BLM: variants seen among roughly 807,000 people sequenced by gnomAD.
The protein encoded by BLM is BLM RecQ like helicase.
In BLM, 95 loss-of-function variants were observed where a neutral mutation model predicts 135.3. The observed-to-expected ratio is 0.70, with a 90% CI of 0.59 to 0.83. The LOEUF is 0.83. Ranked by LOEUF, BLM falls within the 40% of genes least tolerant of loss-of-function variation. BLM has a pLI of 0.00. For missense variants in BLM, 1,518 were observed against 1,663.9 expected, an observed-to-expected ratio of 0.91 and a Z score of 1.53; for synonymous variants, 520 against 589.2, an observed-to-expected ratio of 0.88 and a Z score of 1.70.
At chr15:90,725,891 A>G (rs1286793021) in intron 1 of BLM, among the ~76,000 whole-genome samples, 1 of 152,016 alleles carries the variant, frequency 6.6e-6, no homozygotes, top group African/African-American at 2.4e-5. Flanking sequence ...ATAGTTATCT[A>G]CATTTTTATA....
chr15:90,783,544 C>T (rs1896667970), intron 13 of BLM, among the ~76,000 whole-genome samples: 1 of 152,216 alleles, frequency 6.6e-6, no homozygotes, highest in South Asian at 2.1e-4. Flanking sequence ...CCTTTAATAT[C>T]TTTTAATTTC....
rs1326794962 is a variant in BLM, at chr15:90,794,140, T to C, written c.3020-27T>C. 2.6e-6 allele frequency: 4 copies of C among 1,533,132 alleles called. No homozygotes were observed. The East Asian group carries it at 9.1e-5, about 35-fold the overall frequency. 95.0% of individuals were successfully genotyped at this position (1,533,132 alleles called of 1,614,324 possible). A position where few individuals can be genotyped will look rare whatever the true frequency, so the allele number is the denominator to read the frequency against. On this transcript the variant is annotated intron_variant, in intron 15 of 21. Coordinates refer to ENST00000355112, the MANE Select transcript of BLM (RefSeq NM_000057.4). ...GCTCTATTTTTCCCCTATAAGTATG[T>C]CTTACTATAGTCTTCATCTCTTTTA...
intron 19 of BLM, among the ~76,000 whole-genome samples, chr15:90,807,423 A>T (rs111688555): frequency 0.013 from 2,013 of 152,040 alleles, 47 homozygotes; most frequent in African/African-American, 0.046. Flanking sequence ...TTTTTTGGAG[A>T]TAAGATCTTA....
chr15:90,780,245 T>C (rs1370128435), intron 12 of BLM, among the ~76,000 whole-genome samples: 2 of 152,060 alleles, frequency 1.3e-5, no homozygotes, highest in East Asian at 1.9e-4. Context: ...CCACCATGCC[T>C]GGCTAGTTTT....
intron 5 of BLM, among the ~76,000 whole-genome samples, chr15:90,756,152 G>A (rs1432501028): frequency 1.3e-5 from 2 of 150,728 alleles, no homozygotes; most frequent in Non-Finnish European, 2.9e-5. Flanking sequence ...CACCCAGGCT[G>A]GAGTGCAGTG....
intron 5 of BLM, among the ~76,000 whole-genome samples, chr15:90,758,090 G>A (rs1438249775): frequency 1.3e-5 from 2 of 151,910 alleles, no homozygotes; most frequent in African/African-American, 2.4e-5. Flanking sequence ...ACGTTGACCA[G>A]GCTGGTGTCA....
chr15:90,772,072 C>T (rs1896335039), intron 12 of BLM, among the ~76,000 whole-genome samples: 1 of 152,126 alleles, frequency 6.6e-6, no homozygotes, highest in Non-Finnish European at 1.5e-5. Context: ...TCTGTTGACT[C>T]CTTAATGTGT....
chr15:90,777,176 G>C (rs1006381276), intron 12 of BLM, among the ~76,000 whole-genome samples: 3 of 151,158 alleles, frequency 2.0e-5, no homozygotes, highest in Non-Finnish European at 3.0e-5. Context: ...TGAGGGGGGT[G>C]GGGGGAATGG....
chr15:90,808,889 T>G (rs1897341807), intron 19 of BLM: 1 of 557,622 alleles, frequency 1.8e-6, no homozygotes, highest in African/African-American at 1.9e-5. Context: ...AGCTTCCTCC[T>G]GCCCTGGCTC....
intron 19 of BLM, among the ~76,000 whole-genome samples, chr15:90,805,352 T>A (rs1367676552): frequency 6.6e-6 from 1 of 151,580 alleles, no homozygotes; most frequent in African/African-American, 2.4e-5. Context: ...ATGCCTGTAA[T>A]CCCAGCTACT....
At chr15:90,770,178 T>C (rs867683260) in intron 12 of BLM, among the ~76,000 whole-genome samples, 1,317 of 88,114 alleles carry the variant, frequency 0.015, 30 homozygotes, top group African/African-American at 0.063. Flanking sequence ...CCCCCCCCCC[T>C]TTTTTTTTTT....
chr15:90,747,786 G>T, intron 2 of BLM: 1 of 334,524 alleles, frequency 3.0e-6, no homozygotes, highest in Non-Finnish European at 5.6e-6. Flanking sequence ...AGTTTTGGGG[G>T]GTTTTTTTGT....
intron 15 of BLM, among the ~76,000 whole-genome samples, chr15:90,791,059 A>C (rs987352672): frequency 2.6e-5 from 4 of 152,228 alleles, no homozygotes; most frequent in African/African-American, 9.6e-5. Context: ...GATGTGTACA[A>C]GGCAGAAAAT....
Position 90,751,823 on chromosome 15 carries a change from A to C in BLM, c.836A>C (p.Glu279Ala), listed in dbSNP as rs1429363042. The stretch of plus-strand genomic sequence containing the variant: ...AAGAAGAAGAATTTGGAAGAAGCTG[A>C]ATTACATTCAACTGAGAAAGTTCCA... ...SEKKKNLEEA[E>A]LHSTEKVPCI... is the part of the protein sequence containing the mutation. The change falls in exon 4 of 22, where the codon GAA becomes GCA. Residue 279 changes from glutamate to alanine, a missense_variant. Coordinates refer to ENST00000355112, the MANE Select transcript of BLM (RefSeq NM_000057.4). 1 of 1,613,056 alleles carries C rather than the reference A, an allele frequency of 6.2e-7. No homozygotes were observed. Among genetic ancestry groups the C allele is most frequent in the Admixed American group, 1.7e-5 (1 of 60,020 alleles).
At position 90,815,749 on chromosome 15, in the gene BLM, C is replaced by T. The variant is rs955036780; in HGVS notation, c.*470C>T. On this transcript the variant is annotated 3_prime_UTR_variant, in exon 22 of 22. Transcript: ENST00000355112. The surrounding 1 kb of genome is among the most constrained non-coding windows in gnomAD (Gnocchi z 4.6). ...AGAAACATCCCAGGGGGCAGGTGGACCAAGGATGTGAACAGGCTAGTCTCA... is the reference window on the plus strand; with the variant it reads ...AGAAACATCCCAGGGGGCAGGTGGATCAAGGATGTGAACAGGCTAGTCTCA... The T allele has an allele frequency of 5.5e-6, 1 of 183,194 alleles. No individual in the cohort carries two copies. Among genetic ancestry groups the T allele is most frequent in the African/African-American group, 2.4e-5 (1 of 41,640 alleles). 11.3% of individuals were successfully genotyped at this position (183,194 alleles called of 1,614,324 possible).
chr15:90,756,216 G>A (rs778187715), intron 5 of BLM, among the ~76,000 whole-genome samples: 3 of 151,714 alleles, frequency 2.0e-5, no homozygotes, highest in Non-Finnish European at 4.4e-5. Flanking sequence ...TGATTCTCCT[G>A]CCTCAGCCTC....
intron 1 of BLM, among the ~76,000 whole-genome samples, chr15:90,724,194 G>A (rs1306244628): frequency 6.6e-6 from 1 of 151,650 alleles, no homozygotes; most frequent in Non-Finnish European, 1.5e-5. Flanking sequence ...TTTATTTTTT[G>A]TAGATACTGG....
In BLM at chr15:90,749,545, G is replaced by A; in HGVS notation, c.277G>A (p.Ala93Thr). 1.9e-6 allele frequency: 3 copies of A among 1,614,126 alleles called. No homozygotes were observed. In the South Asian group the frequency reaches 3.3e-5, roughly 18 times the overall value. Residue 93 changes from alanine to threonine, a missense_variant, in exon 3 of 22, where the codon GCT (alanine) becomes ACT (threonine). Transcript: ENST00000355112. ...AAGGGTCAAGGACTTCTTTAAAAAT[G>A]CTCCAGCAGGACAGGAAACACAGAG... ...QQRVKDFFKN[A>T]PAGQETQRGG...
At chr15:90,747,237 CAAAAAAAAAAAA>C (rs59331923) in intron 1 of BLM, among the ~76,000 whole-genome samples, 140 bp from the exon 2 acceptor site, 45 of 39,294 alleles carry the variant, frequency 1.1e-3, no homozygotes, top group African/African-American at 3.8e-3. Flanking sequence ...GTCTATTGAC[CAAAAAAAAAAAA>C]AAAAAAAAAA....
Sources: allele counts gnomAD v4.1 joint callset (sites outside exome capture counted in the v4.1 genomes callset), GRCh38; gene constraint gnomAD v4.1.1; non-coding constraint Gnocchi (gnomAD v3.1); transcripts MANE v1.5; gene names NCBI Gene and HGNC (gene_info 2026-07-23, HGNC 2026-07-21).